The following GLIS1 variants were observed in gnomAD, a reference collection of about 807,000 sequenced individuals.
The protein encoded by GLIS1 is GLIS family zinc finger 1.
GLIS1 carries 24 observed loss-of-function variants against 63.8 expected under a neutral mutation model. That is an observed-to-expected ratio of 0.38 (90% confidence interval 0.27 to 0.53). The LOEUF is 0.53. GLIS1 is among the 20% of genes least tolerant of loss of function. The pLI is 0.85. For missense variants in GLIS1, 1,036 were observed against 1,074.1 expected, an observed-to-expected ratio of 0.96 and a Z score of 0.50; for synonymous variants, 450 against 482.5, an observed-to-expected ratio of 0.93 and a Z score of 0.88.
At chr1:53,538,482 C>T (rs1644605074) in intron 4 of GLIS1, among the ~76,000 whole-genome samples, 1 of 152,182 alleles carries the variant, frequency 6.6e-6, no homozygotes, top group African/African-American at 2.4e-5. Context: ...AGCGCTCACT[C>T]ATGGGATGGA....
chr1:53,715,995 G>A (rs1614395), intron 2 of GLIS1, among the ~76,000 whole-genome samples: 100,512 of 152,024 alleles, frequency 0.66, 34,211 homozygotes, highest in South Asian at 0.73. Context: ...CCCCTGGAGA[G>A]GGCGAGAGTC....
intron 4 of GLIS1, among the ~76,000 whole-genome samples, chr1:53,549,435 C>T (rs930404840): frequency 1.3e-5 from 2 of 152,220 alleles, no homozygotes; most frequent in Admixed American, 6.5e-5. Flanking sequence ...CTTGTCAACA[C>T]TCGTTATTGG....
chr1:53,731,358 G>A (rs1384456979), intron 2 of GLIS1, among the ~76,000 whole-genome samples: 1 of 152,184 alleles, frequency 6.6e-6, no homozygotes, highest in Non-Finnish European at 1.5e-5. Context: ...TCAGCCTGTT[G>A]GCTGAGACTG....
intron 2 of GLIS1, among the ~76,000 whole-genome samples, chr1:53,657,632 G>A (rs1022749461): frequency 2.0e-5 from 3 of 152,118 alleles, no homozygotes; most frequent in African/African-American, 7.2e-5. Context: ...GGAGAGGACC[G>A]GGTCCAGCCC....
chr1:53,681,738 G>A (rs1361210372), intron 2 of GLIS1, among the ~76,000 whole-genome samples: 4 of 152,214 alleles, frequency 2.6e-5, no homozygotes, highest in Non-Finnish European at 4.4e-5. Context: ...TTTGCTCTAG[G>A]TGCGTGGGAC....
chr1:53,587,302 G>A (rs1645145783), intron 4 of GLIS1, among the ~76,000 whole-genome samples: 1 of 152,180 alleles, frequency 6.6e-6, no homozygotes, highest in African/African-American at 2.4e-5. Context: ...GGGTAGACAT[G>A]AGAAGTGACA....
At position 53,709,343 on chromosome 1, in the gene GLIS1, T is replaced by C. The variant is rs1190192340; in HGVS notation, c.259+28463A>G. On this transcript the variant is annotated intron_variant, in intron 2 of 10. Coordinates refer to ENST00000628545, the MANE Select transcript of GLIS1 (RefSeq NM_001367484.1). ...GTATAAATATACACATATATATACATATATACATATATATACATATACATA... is the reference window on the plus strand; with the variant it reads ...GTATAAATATACACATATATATACACATATACATATATATACATATACATA... Among the ~76,000 whole-genome samples, 7 of 128,024 alleles carry C rather than the reference T, an allele frequency of 5.5e-5. No individual in the cohort carries two copies. The South Asian group carries it at 1.3e-3, about 24-fold the overall frequency. 84.0% of individuals were successfully genotyped at this position (128,024 alleles called of 152,430 possible).
intron 2 of GLIS1, among the ~76,000 whole-genome samples, chr1:53,724,702 T>A (rs1190154386): frequency 1.3e-5 from 2 of 152,094 alleles, no homozygotes; most frequent in Non-Finnish European, 2.9e-5. Flanking sequence ...ATTTTAAAAG[T>A]AAAGACAGAG....
At chr1:53,527,572 C>T (rs1476367752) in intron 5 of GLIS1, among the ~76,000 whole-genome samples, 4 of 152,234 alleles carry the variant, frequency 2.6e-5, no homozygotes, top group African/African-American at 9.6e-5. Context: ...TGGTCCTCTC[C>T]AGTCTGTTCT....
At chr1:53,660,217 C>A (rs1646011863) in intron 2 of GLIS1, among the ~76,000 whole-genome samples, 1 of 152,198 alleles carries the variant, frequency 6.6e-6, no homozygotes, top group Non-Finnish European at 1.5e-5. Context: ...TGCCTCATTT[C>A]CATCTTGCAG....
Position 53,514,369 on chromosome 1 carries a change from C to A in GLIS1, c.1883+256G>T, listed in dbSNP as rs544874907. ...AGGGGCCACAGCATTTTCCCAGGGT[C>A]CTCCAGTGGGGAGAAGAAGCTGCAT... On this transcript the variant is annotated intron_variant, in intron 8 of 10. Transcript: ENST00000628545. Among the ~76,000 whole-genome samples, 236 of 152,274 alleles carry A rather than the reference C, an allele frequency of 1.5e-3. 1 individual carries two copies. The highest frequency in any genetic ancestry group is 2.1e-3 in the Non-Finnish European group (143 of 68,022).
intron 4 of GLIS1, among the ~76,000 whole-genome samples, chr1:53,544,469 C>T (rs777158606): frequency 2.3e-4 from 35 of 152,302 alleles, no homozygotes; most frequent in East Asian, 1.2e-3. Flanking sequence ...CTAGGCTGGC[C>T]GTTGCTCCCA....
intron 4 of GLIS1, among the ~76,000 whole-genome samples, chr1:53,531,201 G>T (rs775922574): frequency 6.6e-6 from 1 of 152,218 alleles, no homozygotes; most frequent in Non-Finnish European, 1.5e-5. Flanking sequence ...CCTCTCATGA[G>T]CCATTGATTT....
chr1:53,564,349 CA>C (rs1245882765), intron 4 of GLIS1, among the ~76,000 whole-genome samples: 3 of 151,852 alleles, frequency 2.0e-5, no homozygotes, highest in Non-Finnish European at 4.4e-5. Flanking sequence ...GCTTTTTAAT[CA>C]ATCTAAAAAG....
intron 2 of GLIS1, among the ~76,000 whole-genome samples, chr1:53,673,904 G>C (rs1382851196): frequency 2.0e-5 from 3 of 152,220 alleles, no homozygotes; most frequent in Admixed American, 1.3e-4. Flanking sequence ...GGGAGCGGTG[G>C]CTCACGCCTG....
intron 2 of GLIS1, among the ~76,000 whole-genome samples, chr1:53,622,720 G>A (rs1198135394): frequency 6.6e-6 from 1 of 152,156 alleles, no homozygotes; most frequent in Admixed American, 6.5e-5. Flanking sequence ...ACAGCCACCA[G>A]AGGCCCAAAG....
At chr1:53,570,193 T>C (rs986968295) in intron 4 of GLIS1, among the ~76,000 whole-genome samples, 4 of 152,078 alleles carry the variant, frequency 2.6e-5, no homozygotes, top group African/African-American at 9.7e-5. Flanking sequence ...GATAGTTTAC[T>C]GAAGACTTGA....
intron 1 of GLIS1, 30 bp from the exon 2 acceptor site, chr1:53,738,136 GA>G: frequency 8.4e-7 from 1 of 1,190,078 alleles, no homozygotes; most frequent in Non-Finnish European, 1.1e-6. Context: ...CAGCCAGTTA[GA>G]ATGCGGAAAG....
In GLIS1 at chr1:53,532,789, C is replaced by T. The variant is rs561273835; in HGVS notation, c.1321-2837G>A. Reference sequence around the variant, plus strand: ...AGAGTGCTGGAAGGTGGACCATGATCGATACATCATCTTCTCCCCGAGGTC... The same window carrying T: ...AGAGTGCTGGAAGGTGGACCATGATTGATACATCATCTTCTCCCCGAGGTC... On this transcript the variant is annotated intron_variant, in intron 4 of 10. Transcript: ENST00000628545. Among the ~76,000 whole-genome samples, 5 of 152,320 alleles carry T rather than the reference C, an allele frequency of 3.3e-5. No individual in the cohort carries two copies. The East Asian group carries it at 9.7e-4, about 29-fold the overall frequency.
Sources: allele counts gnomAD v4.1 joint callset (sites outside exome capture counted in the v4.1 genomes callset), GRCh38; gene constraint gnomAD v4.1.1; transcripts MANE v1.5; gene names NCBI Gene and HGNC (gene_info 2026-07-23, HGNC 2026-07-21).